Variants in MAP7D3 observed in about 807,000 individuals in gnomAD.
MAP7D3 encodes the protein MAP7 domain-containing protein 3.
A neutral mutation model predicts 62.2 loss-of-function variants in MAP7D3; 45 were observed. The ratio of observed to expected loss-of-function variants is 0.72; its 90% CI spans 0.57 to 0.93. The LOEUF (loss-of-function observed/expected upper bound fraction) is 0.93. MAP7D3 is among the 40% of genes least tolerant of loss of function. MAP7D3 has a pLI of 0.00. For missense variants in MAP7D3, 711 were observed against 683.1 expected (o/e 1.04, Z -0.45); for synonymous variants, 288 against 248.8 (o/e 1.16, Z -1.48).
chrX:136,222,512 T>C, intron 14 of MAP7D3, 26 bp from the exon 15 acceptor site: 1 of 1,059,297 alleles, frequency 9.4e-7, no homozygotes, highest in Non-Finnish European at 1.3e-6. Flanking sequence ...GAAATCTTGA[T>C]TATGCCTAAT....
rs201114768 is a variant in MAP7D3, at chrX:136,236,318, C to A, written c.662G>T (p.Ser221Ile). ...VAKRKTDKERSSSLNRRDSNL... is the reference protein window; with the variant it reads ...VAKRKTDKERISSLNRRDSNL... ...ACTATCTCTTCTATTTAAAGATGAG[C>A]TTCTCTCCTTGTCTGTTTTCCCTAG... The change falls in exon 7 of 19, where the codon AGC (serine) becomes ATC (isoleucine). Residue 221 changes from serine to isoleucine, a missense_variant. Transcript: ENST00000316077. 5 of 1,176,657 alleles carry A rather than the reference C, an allele frequency of 4.2e-6. No homozygotes were observed. Among genetic ancestry groups the A allele is most frequent in the Non-Finnish European group, 5.8e-6 (5 of 867,922 alleles).
Position 136,231,742 on chromosome X carries a change from G to GCTC in MAP7D3, c.1212_1214dup (p.Val404_Ser405insArg). 8.3e-7 allele frequency: 1 copy of GCTC among 1,210,433 alleles called. No homozygotes were observed. Among genetic ancestry groups the GCTC allele is most frequent in the Non-Finnish European group, 1.1e-6 (1 of 895,106 alleles). ...GGCTCCCCTCTGGGGCTGCTTCCAC[G>GCTC]CTCACCTCTGGCAGTGCTTCCAGAC... On this transcript the variant is annotated inframe_insertion, in exon 8 of 19. Transcript: ENST00000316077.
At chrX:136,240,268 C>A in intron 6 of MAP7D3, 114 bp downstream of exon 6, 1 of 469,960 alleles carries the variant, frequency 2.1e-6, no homozygotes, top group Non-Finnish European at 3.7e-6. Context: ...TAACATGGGA[C>A]TCTTCTGAAA....
Position 136,219,387 on chromosome X carries a change from T to C in MAP7D3, c.*32+11A>G. On this transcript the variant is annotated intron_variant, in intron 18 of 18. Transcript: ENST00000316077. ...CCTTTCAAGAAAAAGGTAGATGAGA[T>C]GAGGACTTACCCAAATGAGGAGAAA... The C allele has an allele frequency of 9.5e-7, 1 of 1,054,641 alleles. No homozygotes were observed. Among genetic ancestry groups the C allele is most frequent in the Non-Finnish European group, 1.3e-6 (1 of 763,433 alleles). The allele number at this position is 1,054,641 out of a possible 1,213,427, so 86.9% of individuals were successfully genotyped here.
intron 6 of MAP7D3, among the ~76,000 whole-genome samples, chrX:136,237,905 G>C (rs777238017): frequency 9.5e-6 from 1 of 104,807 alleles, no homozygotes; most frequent in African/African-American, 3.5e-5. Context: ...GCCCCGGTGT[G>C]TGATGTTCCC....
In MAP7D3 at chrX:136,217,353, A is replaced by G. The variant is rs2074073311; in HGVS notation, c.*1173T>C. On this transcript the variant is annotated 3_prime_UTR_variant, in exon 19 of 19. Transcript: ENST00000316077. ...GTACAGGCAGAAAAGTACTTTAAACATTTAGAGGAATTAAACATACCCCAC... is the reference window on the plus strand; with the variant it reads ...GTACAGGCAGAAAAGTACTTTAAACGTTTAGAGGAATTAAACATACCCCAC... The G allele has an allele frequency of 8.9e-6, 1 of 112,058 alleles. No homozygotes were observed. Among genetic ancestry groups the G allele is most frequent in the Non-Finnish European group, 1.9e-5 (1 of 53,150 alleles). 9.2% of individuals were successfully genotyped at this position (112,058 alleles called of 1,213,427 possible).
Position 136,225,747 on chromosome X carries a change from A to T in MAP7D3, c.2139+162T>A, listed in dbSNP as rs113609458. ...ATGATCAGTAAGAGGACAGCCCTCT[A>T]TGTAGGAGAAGTCAGATCCTTGGAT... On this transcript the variant is annotated intron_variant, in intron 13 of 18. Coordinates refer to ENST00000316077, the MANE Select transcript of MAP7D3 (RefSeq NM_024597.4). 8.7e-3 allele frequency among the ~76,000 whole-genome samples: 979 copies of T among 112,100 alleles called. 8 individuals are homozygous for T. The highest frequency in any genetic ancestry group is 0.03 in the African/African-American group (914 of 30,868).
chrX:136,216,573 C>T (rs1169546660), downstream of MAP7D3, among the ~76,000 whole-genome samples: 1 of 109,721 alleles, frequency 9.1e-6, no homozygotes, highest in Non-Finnish European at 1.9e-5. Flanking sequence ...GTACTCCAGC[C>T]TTGGCCACAG....
intron 15 of MAP7D3, chrX:136,221,934 C>T (rs1045342107): frequency 2.6e-5 from 3 of 113,527 alleles, no homozygotes; most frequent in African/African-American, 9.7e-5. Context: ...ACTGCTACTA[C>T]AAAGTGGTTC....
chrX:136,238,115 C>T (rs2074350736), intron 6 of MAP7D3, among the ~76,000 whole-genome samples: 1 of 111,602 alleles, frequency 9.0e-6, no homozygotes, highest in South Asian at 3.7e-4. Flanking sequence ...TTTCTTAATC[C>T]AGTCTATCAT....
upstream of MAP7D3, chrX:136,256,024 C>A: frequency 2.7e-6 from 2 of 747,225 alleles, no homozygotes; most frequent in African/African-American, 2.3e-5. Context: ...CACCACAGTC[C>A]TGTACTATGA....
rs1368862779 is a variant in MAP7D3 at position 136,217,992 on chromosome X, T to C, written c.*534A>G. 1 of 108,071 alleles carries C rather than the reference T, an allele frequency of 9.3e-6. No homozygotes were observed. The highest frequency in any genetic ancestry group is 1.9e-5 in the Non-Finnish European group (1 of 52,017). 8.9% of individuals were successfully genotyped at this position (108,071 alleles called of 1,213,427 possible). On this transcript the variant is annotated 3_prime_UTR_variant, in exon 19 of 19. Transcript: ENST00000316077. ...ATTGCTTGAGATGAGGAGGCGGAGG[T>C]TGCAGTGAGCCGAGATTGTGCCACT...
At chrX:136,230,688 A>T in intron 9 of MAP7D3, 95 bp from the exon 10 acceptor site, 5 of 882,388 alleles carry the variant, frequency 5.7e-6, no homozygotes, top group South Asian at 2.5e-5. Context: ...TAATCAGGGA[A>T]TTTTTCTGAA....
chrX:136,255,294 C>T (rs1187746884), upstream of MAP7D3, among the ~76,000 whole-genome samples: 2 of 112,303 alleles, frequency 1.8e-5, no homozygotes, highest in Non-Finnish European at 3.8e-5. Flanking sequence ...TCCAAATTGC[C>T]TCATTTAAAA....
chrX:136,251,105 C>T (rs2074503265), intron 1 of MAP7D3, among the ~76,000 whole-genome samples, 184 bp downstream of exon 1: 1 of 112,893 alleles, frequency 8.9e-6, no homozygotes, highest in African/African-American at 3.2e-5. Context: ...TTCAACCCCC[C>T]GCCCCCGCCC....
At chrX:136,223,931 A>AG (rs2074160297) in intron 14 of MAP7D3, among the ~76,000 whole-genome samples, 1 of 108,212 alleles carries the variant, frequency 9.2e-6, no homozygotes, top group South Asian at 4.1e-4. Context: ...ATGCACCTGT[A>AG]GTCTCAGCTA....
chrX:136,213,435 T>C, downstream of MAP7D3: 1 of 110,836 alleles, frequency 9.0e-6, no homozygotes, highest in East Asian at 2.8e-4. Context: ...AAATCCTGGC[T>C]GCTCTGCCAC....
In MAP7D3 at chrX:136,217,881, C is replaced by T. The variant is rs1171912533; in HGVS notation, c.*645G>A. 9.1e-6 allele frequency: 1 copy of T among 109,959 alleles called. No individual in the cohort carries two copies. 9.1% of individuals were successfully genotyped at this position (109,959 alleles called of 1,213,427 possible). A position where few individuals can be genotyped will look rare whatever the true frequency, so the allele number is the denominator to read the frequency against. On this transcript the variant is annotated 3_prime_UTR_variant, in exon 19 of 19. Coordinates refer to ENST00000316077, the MANE Select transcript of MAP7D3 (RefSeq NM_024597.4). ...CTAGCCTGGTGAACATGGTAAAACC[C>T]TATCTCTACTAAAATACAAAAAAAT... is the stretch of plus-strand genomic sequence containing the variant.
chrX:136,228,260 A>G (rs1165650260), intron 11 of MAP7D3, among the ~76,000 whole-genome samples: 1 of 112,142 alleles, frequency 8.9e-6, no homozygotes, highest in Non-Finnish European at 1.9e-5. Flanking sequence ...TGATGTTACA[A>G]GTCTTTTAAA....
Sources: gnomAD v4.1 joint callset for allele counts (sites outside exome capture counted in the v4.1 genomes callset) on GRCh38, gnomAD v4.1.1 for gene constraint, MANE v1.5 for transcripts, NCBI Gene and HGNC (gene_info 2026-07-23, HGNC 2026-07-21) for gene names.